The following GOLGA4 variants were observed in gnomAD, a reference collection of about 807,000 sequenced individuals.
GOLGA4 encodes golgin A4.
GOLGA4 carries 169 observed loss-of-function variants against 265.9 expected under a neutral mutation model. The ratio of observed to expected loss-of-function variants is 0.64; its 90% confidence interval spans 0.56 to 0.72. GOLGA4 has a LOEUF of 0.72. Ranked by LOEUF, GOLGA4 falls within the 30% of genes least tolerant of loss-of-function variation. The pLI is 0.00. For missense variants in GOLGA4, 2,482 were observed against 2,483.4 expected (o/e 1.00, Z 0.01); for synonymous variants, 923 against 855.8 (o/e 1.08, Z -1.37).
chr3:37,316,086 G>A (rs1283543297), intron 11 of GOLGA4, among the ~76,000 whole-genome samples: 1 of 151,970 alleles, frequency 6.6e-6, no homozygotes, highest in Admixed American at 6.5e-5. Flanking sequence ...AGATCTCTTA[G>A]AAATTAATGA....
chr3:37,287,470 C>G (rs1161453914), intron 4 of GOLGA4: 1 of 152,236 alleles, frequency 6.6e-6, no homozygotes. Context: ...ATTGCCAACA[C>G]TCTTACCTAT....
At chr3:37,254,977 C>A (rs2150616511) in intron 2 of GOLGA4, among the ~76,000 whole-genome samples, 2 of 149,932 alleles carry the variant, frequency 1.3e-5, no homozygotes, top group Admixed American at 1.3e-4. Flanking sequence ...TTCTAGAAAT[C>A]TGTCCTATAG....
chr3:37,298,812 C>A lies in GOLGA4; in HGVS notation c.815-21C>A, dbSNP rs371198952. ...TCATATTCCTTACTGATGGGCCCTT[C>A]TTATGTTGCTTTATTGTTAGTGGAA... On this transcript the variant is annotated intron_variant, in intron 7 of 23. Transcript: ENST00000361924. 11 of 1,568,840 alleles carry A rather than the reference C, an allele frequency of 7.0e-6. No individual in the cohort carries two copies. The African/African-American group carries it at 1.5e-4, about 21-fold the overall frequency.
intron 9 of GOLGA4, 90 bp from the exon 10 acceptor site, chr3:37,302,095 C>CT: frequency 8.6e-7 from 1 of 1,165,008 alleles, no homozygotes; most frequent in Non-Finnish European, 1.3e-6. Flanking sequence ...CATGCCCGGC[C>CT]TTTTTCTGCC....
chr3:37,249,373 G>T, intron 1 of GOLGA4, among the ~76,000 whole-genome samples: 1 of 152,058 alleles, frequency 6.6e-6, no homozygotes, highest in African/African-American at 2.4e-5. Context: ...TTAAACCATT[G>T]CTAAGGCTTC....
chr3:37,283,396 T>G (rs2096839912), intron 3 of GOLGA4, among the ~76,000 whole-genome samples: 1 of 152,192 alleles, frequency 6.6e-6, no homozygotes, highest in Non-Finnish European at 1.5e-5. Context: ...TCTACCAAAG[T>G]TAATAATCGT....
At chr3:37,291,128 A>G (rs1008381910) in intron 5 of GOLGA4, among the ~76,000 whole-genome samples, 1 of 152,184 alleles carries the variant, frequency 6.6e-6, no homozygotes, top group African/African-American at 2.4e-5. Context: ...CAGAGAGTGC[A>G]CATTAGAGGT....
chr3:37,281,929 C>T, intron 2 of GOLGA4, 29 bp from the exon 3 acceptor site: 1 of 1,513,922 alleles, frequency 6.6e-7, no homozygotes, highest in Non-Finnish European at 9.1e-7. Context: ...GTATTTTAAT[C>T]CACACATTCT....
intron 21 of GOLGA4, among the ~76,000 whole-genome samples, chr3:37,351,705 A>G (rs771948631): frequency 6.6e-6 from 1 of 152,176 alleles, no homozygotes; most frequent in Non-Finnish European, 1.5e-5. Flanking sequence ...TGTATTATCA[A>G]TGAGCAGTAA....
At chr3:37,286,443 G>A (rs926214710) in intron 4 of GOLGA4, among the ~76,000 whole-genome samples, 11 of 152,088 alleles carry the variant, frequency 7.2e-5, no homozygotes, top group Non-Finnish European at 1.6e-4. Context: ...GTGAGCCACC[G>A]CGCCCGGCCT....
chr3:37,306,149 C>T (rs28524477), intron 10 of GOLGA4, among the ~76,000 whole-genome samples: 8,156 of 152,228 alleles, frequency 0.054, 299 homozygotes, highest in African/African-American at 0.11. Flanking sequence ...TATCAACCTG[C>T]AGTTCTTAAA....
chr3:37,264,937 T>C (rs768776755), intron 2 of GOLGA4, among the ~76,000 whole-genome samples: 1 of 152,140 alleles, frequency 6.6e-6, no homozygotes, highest in African/African-American at 2.4e-5. Flanking sequence ...GAAATAATTA[T>C]AGATTCATAG....
rs192780023 is a variant in GOLGA4, at chr3:37,315,351, G to A, written c.1235-69G>A. ...CTGCTGCTCTTAGTTCTCAAAAATT[G>A]AATGTAAAACACTTTAGCTCAATGA... On this transcript the variant is annotated intron_variant, in intron 10 of 23. Coordinates refer to ENST00000361924, the MANE Select transcript of GOLGA4 (RefSeq NM_002078.5). The A allele has an allele frequency of 5.2e-6, 7 of 1,335,954 alleles. No individual in the cohort carries two copies. In the East Asian group the frequency reaches 1.4e-4, roughly 27 times the overall value. 82.8% of individuals were successfully genotyped at this position (1,335,954 alleles called of 1,614,324 possible).
At chr3:37,344,349 G>T (rs1182324396) in intron 20 of GOLGA4, among the ~76,000 whole-genome samples, 4 of 152,142 alleles carry the variant, frequency 2.6e-5, no homozygotes, top group Non-Finnish European at 5.9e-5. Context: ...TGATCCACCC[G>T]CCTTGGCCTC....
At chr3:37,245,604 AAG>A (rs1228684388) in intron 1 of GOLGA4, among the ~76,000 whole-genome samples, 3 of 152,172 alleles carry the variant, frequency 2.0e-5, no homozygotes, top group East Asian at 3.8e-4. Flanking sequence ...TTCATTAACA[AAG>A]AGGTTTTTAG....
chr3:37,291,270 C>T (rs1469398305), intron 5 of GOLGA4, among the ~76,000 whole-genome samples: 1 of 151,978 alleles, frequency 6.6e-6, no homozygotes, highest in Non-Finnish European at 1.5e-5. Context: ...ACAGGAATAC[C>T]TGTTTTTTTT....
At chr3:37,266,994 G>C in intron 2 of GOLGA4, 1 of 788,798 alleles carries the variant, frequency 1.3e-6, no homozygotes. Context: ...AAAGTAATTT[G>C]GCAATTGTAG....
At chr3:37,318,460 A>C (rs1346820365) in intron 11 of GOLGA4, among the ~76,000 whole-genome samples, 2 of 152,130 alleles carry the variant, frequency 1.3e-5, no homozygotes, top group Non-Finnish European at 2.9e-5. Flanking sequence ...GTTTAATTTT[A>C]TAATATGCTG....
At chr3:37,243,830 C>A in intron 1 of GOLGA4, 1 of 583,786 alleles carries the variant, frequency 1.7e-6, no homozygotes, top group South Asian at 2.1e-5. Flanking sequence ...AAACTTCATC[C>A]AGTCAATGAG....
Sources: gnomAD v4.1 joint callset for allele counts (sites outside exome capture counted in the v4.1 genomes callset) on GRCh38, gnomAD v4.1.1 for gene constraint, MANE v1.5 for transcripts, NCBI Gene and HGNC (gene_info 2026-07-23, HGNC 2026-07-21) for gene names.